Variants in ABI2 observed in about 807,000 individuals in gnomAD.
ABI2 encodes the protein abelson interactor 2.
Under a neutral mutation model 59.2 loss-of-function variants are expected in ABI2, and 25 were observed. The ratio of observed to expected loss-of-function variants is 0.42; its 90% CI spans 0.31 to 0.59. The LOEUF is 0.59. Among genes scored for constraint, ABI2 ranks in the 20% least tolerant of loss-of-function variants. ABI2 has a pLI of 0.14. For missense variants in ABI2, 545 were observed against 681.8 expected, an observed-to-expected ratio of 0.80 and a Z score of 2.23; for synonymous variants, 213 against 235.5, an observed-to-expected ratio of 0.90 and a Z score of 0.87.
At chr2:203,390,861 G>C (rs1578763284) in intron 4 of ABI2, among the ~76,000 whole-genome samples, 185 bp from the exon 5 acceptor site, 1 of 152,186 alleles carries the variant, frequency 6.6e-6, no homozygotes, top group East Asian at 1.9e-4. Flanking sequence ...ATGTTAGGAA[G>C]AGTCCTTTGA....
chr2:203,366,833 G>A, intron 1 of ABI2, 44 bp from the exon 2 acceptor site: 6 of 1,498,158 alleles, frequency 4.0e-6, no homozygotes, highest in Non-Finnish European at 5.4e-6. Context: ...GCTAGAAATG[G>A]GTTATTTTTG....
rs556394325 is a variant in ABI2 at position 203,376,678 on chromosome 2, A to G, written c.286-3530A>G. Among the ~76,000 whole-genome samples, 16 of 149,670 alleles carry G rather than the reference A, an allele frequency of 1.1e-4. No individual in the cohort carries two copies. In the East Asian group the frequency reaches 2.5e-3, roughly 24 times the overall value. ...CCAATTTTTTTGCTCTATTATAACA[A>G]TGACCCTTTATTTTAGGCTTATTGT... On this transcript the variant is annotated intron_variant, in intron 2 of 11. Coordinates refer to ENST00000261018, the MANE Select transcript of ABI2 (RefSeq NM_001375670.1).
chr2:203,426,218 A>G (rs950195027), intron 11 of ABI2, among the ~76,000 whole-genome samples: 1 of 152,206 alleles, frequency 6.6e-6, no homozygotes, highest in Non-Finnish European at 1.5e-5. Context: ...GAAACTAACA[A>G]AGACAGTGTG....
At chr2:203,350,052 A>G (rs943490067) in intron 1 of ABI2, among the ~76,000 whole-genome samples, 2 of 152,100 alleles carry the variant, frequency 1.3e-5, no homozygotes, top group African/African-American at 4.8e-5. Flanking sequence ...CATTGTTGTC[A>G]GCATTTGTGG....
chr2:203,395,382 C>T (rs2096930013), intron 6 of ABI2, among the ~76,000 whole-genome samples: 1 of 147,316 alleles, frequency 6.8e-6, no homozygotes, highest in East Asian at 2.0e-4. Context: ...AAAATGTGGT[C>T]AAAACAAGCT....
chr2:203,357,867 C>A (rs899846858), intron 1 of ABI2, among the ~76,000 whole-genome samples: 3 of 152,022 alleles, frequency 2.0e-5, no homozygotes, highest in African/African-American at 7.2e-5. Flanking sequence ...CTCCTGGCTT[C>A]AAACGATTCT....
intron 1 of ABI2, among the ~76,000 whole-genome samples, chr2:203,361,453 G>A (rs1406514951): frequency 6.6e-6 from 1 of 152,164 alleles, no homozygotes; most frequent in Non-Finnish European, 1.5e-5. Context: ...GGGCAACGTA[G>A]TAAGACCCTG....
intron 5 of ABI2, among the ~76,000 whole-genome samples, chr2:203,392,155 G>A (rs1042809923): frequency 2.6e-5 from 4 of 152,060 alleles, no homozygotes; most frequent in African/African-American, 9.7e-5. Flanking sequence ...ACCACAAATT[G>A]GATTTTTAAA....
At chr2:203,331,348 C>CATTTTTTTTTTTTTT (rs545473960) in intron 1 of ABI2, among the ~76,000 whole-genome samples, 1 of 85,302 alleles carries the variant, frequency 1.2e-5, no homozygotes, top group Non-Finnish European at 2.1e-5. Flanking sequence ...TCAATTTAGC[C>CATTTTTTTTTTTTTT]TTTTTTTTTT....
chr2:203,338,286 A>G (rs1244145763), intron 1 of ABI2, among the ~76,000 whole-genome samples: 3 of 152,210 alleles, frequency 2.0e-5, no homozygotes, highest in African/African-American at 7.2e-5. Flanking sequence ...CTTAAATGTA[A>G]GATCTGAAAT....
intron 5 of ABI2, 142 bp from the exon 6 acceptor site, chr2:203,394,558 A>G: frequency 1.3e-6 from 1 of 751,234 alleles, no homozygotes. Context: ...ACATTAGTAA[A>G]GACTGAAATT....
intron 1 of ABI2, 41 bp downstream of exon 1, chr2:203,328,672 C>A (rs759265140): frequency 1.0e-5 from 14 of 1,387,746 alleles, no homozygotes; most frequent in East Asian, 5.6e-5. Context: ...GGGACCCCCC[C>A]GCCGGGGGCC....
intron 4 of ABI2, among the ~76,000 whole-genome samples, chr2:203,385,956 C>A (rs1332725903): frequency 6.6e-6 from 1 of 152,000 alleles, no homozygotes; most frequent in African/African-American, 2.4e-5. Flanking sequence ...GCTTTTTTGT[C>A]TTTTAACCCT....
chr2:203,423,702 T>TTGGCTAATTTTTGTATTTTTAGTA (rs2098317700), intron 11 of ABI2, among the ~76,000 whole-genome samples: 1 of 152,182 alleles, frequency 6.6e-6, no homozygotes, highest in African/African-American at 2.4e-5. Flanking sequence ...ATTACAGGCG[T>TTGGCTAATTTTTGTATTTTTAGTA]GAGCCACCGC....
intron 6 of ABI2, 65 bp from the exon 7 acceptor site, chr2:203,395,591 G>T: frequency 2.0e-6 from 3 of 1,497,272 alleles, no homozygotes; most frequent in South Asian, 1.3e-5. Context: ...AGAAAATGTC[G>T]GGAAGTGCTG....
At chr2:203,377,463 T>A (rs989892636) in intron 2 of ABI2, among the ~76,000 whole-genome samples, 7 of 152,202 alleles carry the variant, frequency 4.6e-5, no homozygotes, top group Non-Finnish European at 1.0e-4. Flanking sequence ...AAACAATGTC[T>A]TGAGGATTGT....
rs2080057070 is a variant in ABI2, at chr2:203,341,724, GAA to G, written c.117+13095_117+13096del. 2.0e-5 allele frequency among the ~76,000 whole-genome samples: 3 copies of G among 152,014 alleles called. No homozygotes were observed. The South Asian group carries it at 6.2e-4, about 31-fold the overall frequency. ...GACTCCATCTCAAAAAAAAACAAAAGAAATTAGTTTTGCAAATTTGAAGAGTT... is the reference window on the plus strand; with the variant it reads ...GACTCCATCTCAAAAAAAAACAAAAGATTAGTTTTGCAAATTTGAAGAGTT... On this transcript the variant is annotated intron_variant, in intron 1 of 11. Transcript: ENST00000261018.
At chr2:203,360,017 C>T (rs2093196090) in intron 1 of ABI2, among the ~76,000 whole-genome samples, 1 of 151,636 alleles carries the variant, frequency 6.6e-6, no homozygotes, top group Non-Finnish European at 1.5e-5. Context: ...AAACCCCGTG[C>T]CTGCTAAAAG....
chr2:203,419,106 C>CTTTTTT (rs748788810), intron 11 of ABI2, among the ~76,000 whole-genome samples: 2 of 126,308 alleles, frequency 1.6e-5, no homozygotes, highest in African/African-American at 3.1e-5. Context: ...AATTAAAGAT[C>CTTTTTT]TTTTTTTTTT....
Sources: gnomAD v4.1 joint callset for allele counts (sites outside exome capture counted in the v4.1 genomes callset) on GRCh38, gnomAD v4.1.1 for gene constraint, MANE v1.5 for transcripts, NCBI Gene and HGNC (gene_info 2026-07-23, HGNC 2026-07-21) for gene names.